TMEM182: variants seen among roughly 807,000 people sequenced by gnomAD.
The protein encoded by TMEM182 is transmembrane protein 182.
Under a neutral mutation model 26.8 loss-of-function variants are expected in TMEM182, and 20 were observed. The observed-to-expected ratio is 0.75, with a 90% CI of 0.53 to 1.09. TMEM182 has a LOEUF of 1.09. Ranked by LOEUF, TMEM182 falls within the 50% of genes least tolerant of loss-of-function variation. TMEM182 has a pLI of 0.00. For synonymous variants in TMEM182, 109 were observed against 102.2 expected (o/e 1.07, Z -0.40); for missense variants, 277 against 275.5 (o/e 1.01, Z -0.04).
chr2:102,790,258 G>A (rs1014695058), intron 3 of TMEM182, among the ~76,000 whole-genome samples: 1 of 152,182 alleles, frequency 6.6e-6, no homozygotes, highest in Non-Finnish European at 1.5e-5. Flanking sequence ...GCCTGGCAAG[G>A]CCCCTCTTAG....
chr2:102,768,896 A>G (rs958144594), intron 3 of TMEM182, among the ~76,000 whole-genome samples: 1 of 151,980 alleles, frequency 6.6e-6, no homozygotes, highest in Non-Finnish European at 1.5e-5. Flanking sequence ...GCAGCGAGGC[A>G]AGATGTTAGT....
chr2:102,815,754 C>G lies in TMEM182; in HGVS notation c.*786C>G, dbSNP rs187080616. ...AAAATATGTAAAAACCAAGCATTTC[C>G]GCTTGGTCCATAATTCTATTTGATA... On this transcript the variant is annotated 3_prime_UTR_variant, in exon 5 of 5. Transcript: ENST00000412401. 1.1e-6 allele frequency: 1 copy of G among 939,762 alleles called. No individual in the cohort carries two copies. The highest frequency in any genetic ancestry group is 1.8e-5 in the African/African-American group (1 of 56,134). 58.2% of individuals were successfully genotyped at this position (939,762 alleles called of 1,614,324 possible).
chr2:102,812,277 CA>C (rs1409213100), intron 4 of TMEM182, among the ~76,000 whole-genome samples: 1 of 152,044 alleles, frequency 6.6e-6, no homozygotes, highest in African/African-American at 2.4e-5. Context: ...ATGTCTCATG[CA>C]GGCTGCCATG....
intron 3 of TMEM182, among the ~76,000 whole-genome samples, chr2:102,825,096 A>G (rs1683007724): frequency 6.6e-6 from 1 of 152,242 alleles, no homozygotes. Context: ...TGAAATGATG[A>G]GCCTCAAAGG....
chr2:102,819,013 G>A (rs1039867223), downstream of TMEM182, among the ~76,000 whole-genome samples: 11 of 152,198 alleles, frequency 7.2e-5, no homozygotes, highest in Non-Finnish European at 1.5e-4. Context: ...TAGGGAAGGA[G>A]AGGGCTCACT....
chr2:102,757,103 C>T (rs192372648), upstream of TMEM182, among the ~76,000 whole-genome samples: 15 of 152,232 alleles, frequency 9.9e-5, no homozygotes, highest in African/African-American at 3.6e-4. Context: ...AGCCACCGGG[C>T]CTGGCCAAAA....
chr2:102,834,332 T>G lies in TMEM182; in HGVS notation c.326-9080T>G, dbSNP rs1683202040. ...TCCATTTACCATCTTAGGACTCGTCTGTTTTTTTCTGTATATTGTAACATT... is the reference window on the plus strand; with the variant it reads ...TCCATTTACCATCTTAGGACTCGTCGGTTTTTTTCTGTATATTGTAACATT... On this transcript the variant is annotated intron_variant, in intron 3 of 3. Transcript: ENST00000486293. 31 of 957,812 alleles carry G rather than the reference T, an allele frequency of 3.2e-5. No individual in the cohort carries two copies. The South Asian group carries it at 1.3e-3, about 42-fold the overall frequency. 59.3% of individuals were successfully genotyped at this position (957,812 alleles called of 1,614,324 possible).
At position 102,815,046 on chromosome 2, in the gene TMEM182, C is replaced by A; in HGVS notation, c.*78C>A. On this transcript the variant is annotated 3_prime_UTR_variant, in exon 5 of 5. Coordinates refer to ENST00000412401, the MANE Select transcript of TMEM182 (RefSeq NM_144632.5). ...TTTTTTCCATTTTGTTTCATTGATC[C>A]CAGCATAAAGTTAGTAGATATAACT... The A allele has an allele frequency of 6.4e-7, 1 of 1,552,448 alleles. No homozygotes were observed.
chr2:102,785,338 A>T (rs984081447), intron 3 of TMEM182, among the ~76,000 whole-genome samples: 2 of 152,234 alleles, frequency 1.3e-5, no homozygotes, highest in African/African-American at 4.8e-5. Flanking sequence ...GCTTTTATGC[A>T]ATATGCTAAG....
intron 4 of TMEM182, among the ~76,000 whole-genome samples, chr2:102,806,633 C>T (rs1428953945): frequency 6.6e-6 from 1 of 152,106 alleles, no homozygotes. Flanking sequence ...CATTTGCTAA[C>T]CATTAGCAGG....
intron 1 of TMEM182, among the ~76,000 whole-genome samples, chr2:102,745,070 A>G (rs889176961): frequency 1.3e-5 from 2 of 151,710 alleles, no homozygotes; most frequent in African/African-American, 2.4e-5. Context: ...CTGTTGCCCA[A>G]CAGATGTTGG....
chr2:102,761,730 A>G (rs1016991094), upstream of TMEM182, among the ~76,000 whole-genome samples: 2 of 152,206 alleles, frequency 1.3e-5, no homozygotes, highest in African/African-American at 4.8e-5. Context: ...GAGAGTCTTA[A>G]GTGTCTTTGG....
intron 3 of TMEM182, 136 bp from the exon 4 acceptor site, chr2:102,797,707 TCCTGTTTGTTCAGACCCATC>T: frequency 2.5e-6 from 2 of 815,170 alleles, no homozygotes; most frequent in East Asian, 5.5e-5. Flanking sequence ...TGATAAGATC[TCCTGTTTGTTCAGACCCATC>T]CCTGGCATTC....
chr2:102,797,900 G>A lies in TMEM182; in HGVS notation c.369G>A (p.Gly123=). The change falls in exon 4 of 5, where the codon GGG becomes GGA. Residue 123 remains glycine (G), a synonymous_variant. Coordinates refer to ENST00000412401, the MANE Select transcript of TMEM182 (RefSeq NM_144632.5). ...RGFWAVLMLL[G]VVAVVIASFL... ...TCTGGGCAGTCCTGATGCTCCTGGG[G>A]GTAGTTGCTGTAGTCATCGCAAGCT... 6.2e-7 allele frequency: 1 copy of A among 1,614,016 alleles called. No homozygotes were observed. The highest frequency in any genetic ancestry group is 8.5e-7 in the Non-Finnish European group (1 of 1,180,004).
At position 102,762,252 on chromosome 2, in the gene TMEM182, T is replaced by C. The variant is rs749226152; in HGVS notation, c.35T>C (p.Leu12Pro). Residue 12 changes from leucine (L) to proline (P), a missense_variant, in exon 1 of 5, where the codon CTC (leucine) becomes CCC (proline). Leu to Pro is a moderately conservative substitution (Grantham distance 98, BLOSUM62 -3). Coordinates refer to ENST00000412401, the MANE Select transcript of TMEM182 (RefSeq NM_144632.5). Reference sequence around the variant, plus strand: ...AATATCGCTATCTTCTTTGGAGCTCTCTTTGGTGCTTTGGGGGTGTTACTC... The same window carrying C: ...AATATCGCTATCTTCTTTGGAGCTCCCTTTGGTGCTTTGGGGGTGTTACTC... ...RLNIAIFFGA[L>P]FGALGVLLFL... is the part of the protein sequence containing the mutation. 12 of 1,613,756 alleles carry C rather than the reference T, an allele frequency of 7.4e-6. No individual in the cohort carries two copies. Among genetic ancestry groups the C allele is most frequent in the African/African-American group, 1.3e-5 (1 of 74,910 alleles).
intron 3 of TMEM182, among the ~76,000 whole-genome samples, chr2:102,794,810 G>A (rs568938140): frequency 6.6e-6 from 1 of 152,178 alleles, no homozygotes; most frequent in Non-Finnish European, 1.5e-5. Flanking sequence ...AGTTTGCTGA[G>A]TATCCTGTAT....
chr2:102,783,789 G>T (rs1681271894), intron 3 of TMEM182, among the ~76,000 whole-genome samples: 1 of 152,050 alleles, frequency 6.6e-6, no homozygotes, highest in Non-Finnish European at 1.5e-5. Context: ...GAGAAGCTGT[G>T]TCTAAAAAAA....
At chr2:102,769,656 G>A (rs918993424) in intron 3 of TMEM182, among the ~76,000 whole-genome samples, 5 of 152,116 alleles carry the variant, frequency 3.3e-5, no homozygotes, top group African/African-American at 1.2e-4. Context: ...ATAATTCTAT[G>A]TATGTAGCAT....
At chr2:102,778,069 C>T (rs955101227) in intron 3 of TMEM182, among the ~76,000 whole-genome samples, 2 of 151,956 alleles carry the variant, frequency 1.3e-5, no homozygotes, top group African/African-American at 4.8e-5. Context: ...TTCTAGTTTT[C>T]TGTGTAGTTG....
Sources: allele counts gnomAD v4.1 joint callset (sites outside exome capture counted in the v4.1 genomes callset), GRCh38; gene constraint gnomAD v4.1.1; transcripts MANE v1.5; gene names NCBI Gene and HGNC (gene_info 2026-07-23, HGNC 2026-07-21).